Variants in ACVR1C observed in about 807,000 individuals in gnomAD.
The protein encoded by ACVR1C is activin receptor type-1C.
Under a neutral mutation model 57.9 loss-of-function variants are expected in ACVR1C, and 23 were observed. The ratio of observed to expected loss-of-function variants is 0.40; its 90% CI spans 0.29 to 0.56. The LOEUF is 0.56. Among genes scored for constraint, ACVR1C ranks in the 20% least tolerant of loss-of-function variants. The pLI, the probability that ACVR1C is intolerant of heterozygous loss-of-function variation, is 0.50. For missense variants in ACVR1C, 480 were observed against 607.9 expected (o/e 0.79, Z 2.21); for synonymous variants, 214 against 215.3 (o/e 0.99, Z 0.05).
chr2:157,573,850 A>C (rs1688582850), intron 2 of ACVR1C, among the ~76,000 whole-genome samples: 1 of 152,200 alleles, frequency 6.6e-6, no homozygotes, highest in African/African-American at 2.4e-5. Flanking sequence ...GGATTCCTTC[A>C]CATAGGAAAA....
At position 157,542,853 on chromosome 2, in the gene ACVR1C, G is replaced by A. The variant is rs1687654386; in HGVS notation, c.953C>T (p.Ala318Val). Residue 318 changes from alanine to valine, a missense_variant, in exon 6 of 9, where the codon GCT (alanine) becomes GTT (valine). Coordinates refer to ENST00000243349, the MANE Select transcript of ACVR1C (RefSeq NM_145259.3). The part of the protein sequence containing the change: ...MEIVGTQGKP[A>V]IAHRDIKSKN... ...TGATTTTATGTCTCGATGAGCAATA[G>A]CAGGTTTACCTATGAAGCAAAGAAG... 6.2e-7 allele frequency: 1 copy of A among 1,613,734 alleles called. No homozygotes were observed.
rs188472783 is a variant in ACVR1C, at chr2:157,533,862, A to G, written c.*56T>C. 41 of 1,466,546 alleles carry G rather than the reference A, an allele frequency of 2.8e-5. No homozygotes were observed. The Admixed American group carries it at 7.0e-4, about 25-fold the overall frequency. 90.8% of individuals were successfully genotyped at this position (1,466,546 alleles called of 1,614,324 possible). ...AAAAATGGCAAAAACATTCACATAA[A>G]GGGGAAAATGGAAAAGAAAGCTATG... On this transcript the variant is annotated 3_prime_UTR_variant, in exon 9 of 9. Coordinates refer to ENST00000243349, the MANE Select transcript of ACVR1C (RefSeq NM_145259.3).
intron 5 of ACVR1C, 47 bp from the exon 6 acceptor site, chr2:157,542,909 T>A: frequency 6.4e-7 from 1 of 1,562,060 alleles, no homozygotes; most frequent in South Asian, 1.2e-5. Context: ...TACCGGAGAC[T>A]GTTCAAGAGA....
chr2:157,628,316 C>A (rs778132103), intron 1 of ACVR1C, among the ~76,000 whole-genome samples: 1 of 152,112 alleles, frequency 6.6e-6, no homozygotes, highest in Non-Finnish European at 1.5e-5. Flanking sequence ...ACTACTTATT[C>A]CCCCACGTCC....
At chr2:157,546,330 A>G (rs1266763837) in intron 4 of ACVR1C, among the ~76,000 whole-genome samples, 1 of 152,220 alleles carries the variant, frequency 6.6e-6, no homozygotes, top group African/African-American at 2.4e-5. Flanking sequence ...TTGGTTAGCC[A>G]TCTTGCCTTT....
chr2:157,616,224 C>T (rs1682646633), intron 1 of ACVR1C, among the ~76,000 whole-genome samples: 1 of 152,034 alleles, frequency 6.6e-6, no homozygotes, highest in Non-Finnish European at 1.5e-5. Flanking sequence ...TCTTTATTAC[C>T]TCTGGACGCT....
intron 2 of ACVR1C, among the ~76,000 whole-genome samples, chr2:157,572,264 C>G (rs1255736606): frequency 7.1e-6 from 1 of 140,418 alleles, no homozygotes; most frequent in Non-Finnish European, 1.5e-5. Flanking sequence ...ATACCTAATG[C>G]TAGATGACAT....
At chr2:157,606,601 C>G (rs1264796345) in intron 1 of ACVR1C, among the ~76,000 whole-genome samples, 1 of 151,710 alleles carries the variant, frequency 6.6e-6, no homozygotes, top group Non-Finnish European at 1.5e-5. Flanking sequence ...TGTATGTCTT[C>G]TTTTGAGAAA....
At chr2:157,597,472 C>A in intron 1 of ACVR1C, 1 of 985,450 alleles carries the variant, frequency 1.0e-6, no homozygotes. Context: ...GCCGGGATGC[C>A]CCAGCTTTCC....
chr2:157,614,300 G>A (rs939387539), intron 1 of ACVR1C, among the ~76,000 whole-genome samples: 5 of 152,104 alleles, frequency 3.3e-5, no homozygotes, highest in Non-Finnish European at 7.4e-5. Context: ...GTATGTAGAA[G>A]TTCATTGCTT....
chr2:157,578,985 A>T (rs1033838372), intron 2 of ACVR1C, among the ~76,000 whole-genome samples: 1 of 152,228 alleles, frequency 6.6e-6, no homozygotes, highest in African/African-American at 2.4e-5. Flanking sequence ...TATTCAATTA[A>T]ATTGATTAAC....
At chr2:157,549,473 G>A (rs985377163) in intron 4 of ACVR1C, among the ~76,000 whole-genome samples, 2 of 152,106 alleles carry the variant, frequency 1.3e-5, no homozygotes, top group African/African-American at 4.8e-5. Context: ...TGGCGTGGCA[G>A]AGTTCTCCAG....
chr2:157,536,571 A>C (rs1687492431), intron 8 of ACVR1C, among the ~76,000 whole-genome samples: 1 of 152,172 alleles, frequency 6.6e-6, no homozygotes, highest in African/African-American at 2.4e-5. Context: ...CATTTGTTCA[A>C]GATTGAGGAC....
chr2:157,626,345 T>G (rs1252428733), intron 1 of ACVR1C, among the ~76,000 whole-genome samples: 1 of 152,208 alleles, frequency 6.6e-6, no homozygotes, highest in Non-Finnish European at 1.5e-5. Context: ...CTTCTGAGAT[T>G]CTCAAAAAGG....
chr2:157,538,867 TA>T lies in ACVR1C; in HGVS notation c.1226-165del, dbSNP rs147249315. ...CACTATAAAATCAAGGATATAAGTT[TA>T]AATCATCCAGTTGAATAGTTACATA... On this transcript the variant is annotated intron_variant, in intron 7 of 8. Transcript: ENST00000243349. Among the ~76,000 whole-genome samples the T allele has an allele frequency of 9.7e-3, 1,467 of 151,752 alleles. 12 individuals are homozygous for T. The highest frequency in any genetic ancestry group is 0.015 in the Non-Finnish European group (1,041 of 67,906).
chr2:157,601,504 C>T (rs1682281323), intron 1 of ACVR1C, among the ~76,000 whole-genome samples: 1 of 151,930 alleles, frequency 6.6e-6, no homozygotes, highest in Non-Finnish European at 1.5e-5. Context: ...ATAGGACCTC[C>T]AAAAAGTCTC....
intron 1 of ACVR1C, among the ~76,000 whole-genome samples, chr2:157,602,785 A>G (rs1682309181): frequency 6.6e-6 from 1 of 152,174 alleles, no homozygotes; most frequent in Non-Finnish European, 1.5e-5. Context: ...AGAATGAAAC[A>G]CATTCAAATA....
At position 157,529,572 on chromosome 2, in the gene ACVR1C, T is replaced by C. The variant is rs1269457519; in HGVS notation, c.*4346A>G. On this transcript the variant is annotated 3_prime_UTR_variant, in exon 9 of 9. Coordinates refer to ENST00000243349, the MANE Select transcript of ACVR1C (RefSeq NM_145259.3). ...TCATAAGAGTTCTGCTAGTAACTAG[T>C]AGTCATTTAATCTCTGATCCTTGGT... 1.3e-5 allele frequency: 2 copies of C among 152,084 alleles called. No homozygotes were observed. Among genetic ancestry groups the C allele is most frequent in the African/African-American group, 4.8e-5 (2 of 41,440 alleles). 9.4% of individuals were successfully genotyped at this position (152,084 alleles called of 1,614,324 possible). A position where few individuals can be genotyped will look rare whatever the true frequency, so the allele number is the denominator to read the frequency against.
chr2:157,592,710 A>T (rs962249613), intron 1 of ACVR1C, among the ~76,000 whole-genome samples: 2 of 152,120 alleles, frequency 1.3e-5, no homozygotes, highest in South Asian at 4.1e-4. Flanking sequence ...AATCATCCTC[A>T]ACATAGAACC....
Sources: allele counts gnomAD v4.1 joint callset (sites outside exome capture counted in the v4.1 genomes callset), GRCh38; gene constraint gnomAD v4.1.1; transcripts MANE v1.5; gene names NCBI Gene and HGNC (gene_info 2026-07-23, HGNC 2026-07-21).